Variants in ANK3 observed in about 807,000 individuals in gnomAD.
ANK3 encodes ankyrin 3, also known as ankyrin-3.
A neutral mutation model predicts 370.9 loss-of-function variants in ANK3; 57 were observed. The observed-to-expected ratio is 0.15, with a 90% CI of 0.12 to 0.19. The LOEUF is 0.19. Ranked by LOEUF, ANK3 falls within the 10% of genes least tolerant of loss-of-function variation. The pLI is 1.00. For synonymous variants in ANK3, 1,929 were observed against 1,946.3 expected, an observed-to-expected ratio of 0.99 and a Z score of 0.23; for missense variants, 4,439 against 5,302.1, an observed-to-expected ratio of 0.84 and a Z score of 5.06.
intron 1 of ANK3, among the ~76,000 whole-genome samples, chr10:60,321,084 AATG>A (rs2048528955): frequency 6.6e-6 from 1 of 152,116 alleles, no homozygotes; most frequent in African/African-American, 2.4e-5. Flanking sequence ...CAAACATAAT[AATG>A]ATGTTATATA....
At chr10:60,451,026 A>G (rs1313456275) in intron 2 of ANK3, among the ~76,000 whole-genome samples, 1 of 152,200 alleles carries the variant, frequency 6.6e-6, no homozygotes, top group African/African-American at 2.4e-5. Context: ...CCTGAATCCA[A>G]TGACATGTGT....
At position 60,072,115 on chromosome 10, in the gene ANK3, T is replaced by A; in HGVS notation, c.8766A>T (p.Lys2922Asn). The A allele has an allele frequency of 6.2e-7, 1 of 1,613,914 alleles. No individual in the cohort carries two copies. Among genetic ancestry groups the A allele is most frequent in the Non-Finnish European group, 8.5e-7 (1 of 1,179,992 alleles). The change falls in exon 37 of 44, where the codon AAA becomes AAT. Residue 2922 changes from lysine (K) to asparagine (N), a missense_variant. By Grantham distance (94) the Lys-to-Asn change is moderately conservative. This residue lies in a region of ANK3 where 1,601 missense variants were observed against 1,731.7 expected (regional missense o/e 0.92). Coordinates refer to ENST00000280772, the MANE Select transcript of ANK3 (RefSeq NM_020987.5). ...SLSEIKEMTV[K>N]SPSKKVLYRE... The stretch of plus-strand genomic sequence containing the variant: ...TATATAAGACTTTTTTGGAGGGAGA[T>A]TTTACAGTCATTTCTTTAATTTCTG...
chr10:60,401,895 A>C (rs1308018131), intron 2 of ANK3, among the ~76,000 whole-genome samples: 1 of 152,202 alleles, frequency 6.6e-6, no homozygotes, highest in East Asian at 1.9e-4. Context: ...GGTGAAATCA[A>C]CCTGACTTAA....
intron 7 of ANK3, among the ~76,000 whole-genome samples, chr10:60,240,052 TATACAC>T (rs1385770637): frequency 4.3e-5 from 3 of 70,204 alleles, no homozygotes; most frequent in East Asian, 6.6e-4. Flanking sequence ...TATATACATA[TATACAC>T]ATATATACAT....
Position 60,074,295 on chromosome 10 carries a change from G to T in ANK3, c.6586C>A (p.Pro2196Thr), listed in dbSNP as rs771095356. The change falls in exon 37 of 44, where the codon CCT (proline) becomes ACT (threonine). Residue 2196 changes from proline (P) to threonine (T), a missense_variant. Pro to Thr is a conservative substitution (Grantham distance 38). Coordinates refer to ENST00000280772, the MANE Select transcript of ANK3 (RefSeq NM_020987.5). ...TCCAATTCCATAAAAGTAGGTGAAG[G>T]TTTAGGTGACACAGGCTCCTCTGGT... ...TQPEEPVSPKPSPTFMELEPK... is the reference protein window; with the variant it reads ...TQPEEPVSPKTSPTFMELEPK... The T allele has an allele frequency of 3.7e-6, 6 of 1,614,090 alleles. No individual in the cohort carries two copies. Among genetic ancestry groups the T allele is most frequent in the Non-Finnish European group, 5.1e-6 (6 of 1,180,006 alleles).
At chr10:60,061,003 G>C (rs571191406) in intron 40 of ANK3, among the ~76,000 whole-genome samples, 1 of 152,330 alleles carries the variant, frequency 6.6e-6, no homozygotes, top group East Asian at 1.9e-4. Context: ...TCTGGTCATG[G>C]TGAGGAAAGG....
rs1228521868 is a variant in ANK3 at position 60,060,295 on chromosome 10, T to A, written c.12596-865A>T. 4 of 206,342 alleles carry A rather than the reference T, an allele frequency of 1.9e-5. No homozygotes were observed. In the Admixed American group the frequency reaches 2.2e-4, roughly 11 times the overall value. The allele number at this position is 206,342 out of a possible 1,614,324, so 12.8% of individuals were successfully genotyped here. ...TAATCCAAAGTATGCAGACTAAATA[T>A]ATAAAGTTTATATATTTAAGTTTAT... On this transcript the variant is annotated intron_variant, in intron 40 of 43. Transcript: ENST00000280772.
intron 1 of ANK3, among the ~76,000 whole-genome samples, chr10:60,679,258 T>C (rs749972084): frequency 6.6e-6 from 1 of 152,138 alleles, no homozygotes; most frequent in African/African-American, 2.4e-5. Flanking sequence ...TTACAGTACG[T>C]AGTTAAGCGG....
At chr10:60,544,716 C>CA (rs1332669648) in intron 2 of ANK3, among the ~76,000 whole-genome samples, 1 of 152,060 alleles carries the variant, frequency 6.6e-6, no homozygotes, top group Admixed American at 6.6e-5. Flanking sequence ...CATATTCTCT[C>CA]ATTTATAAGG....
rs770859189 is a variant in ANK3, at chr10:60,196,638, A to AAAC, written c.1690-16_1690-14dup. Reference sequence around the variant, plus strand: ...GAGTAAATCCTTTCTGAAAAAAAAAAAACATAAAAATAATGAACAATAGAA... The same window carrying AAAC: ...GAGTAAATCCTTTCTGAAAAAAAAAAAACAACATAAAAATAATGAACAATAGAA... On this transcript the variant is annotated splice_polypyrimidine_tract_variant and intron_variant, in intron 14 of 43. Coordinates refer to ENST00000280772, the MANE Select transcript of ANK3 (RefSeq NM_020987.5). The AAAC allele has an allele frequency of 1.3e-6, 2 of 1,536,492 alleles. No individual in the cohort carries two copies. Among genetic ancestry groups the AAAC allele is most frequent in the Admixed American group, 1.8e-5 (1 of 56,466 alleles).
chr10:60,072,321 T>C lies in ANK3; in HGVS notation c.8560A>G (p.Thr2854Ala). The change falls in exon 37 of 44, where the codon ACA (threonine) becomes GCA (alanine). Residue 2854 changes from threonine (T) to alanine (A), a missense_variant. By Grantham distance (58) the Thr-to-Ala change is moderately conservative. Coordinates refer to ENST00000280772, the MANE Select transcript of ANK3 (RefSeq NM_020987.5). ...RGPWDKKVFR[T>A]WESSGATNNK... ...TTAGTGGCTCCCGAACTCTCCCATG[T>C]TCTAAAGACCTTTTTGTCCCATGGT... The C allele has an allele frequency of 1.2e-6, 2 of 1,614,096 alleles. No homozygotes were observed. Among genetic ancestry groups the C allele is most frequent in the South Asian group, 2.2e-5 (2 of 91,056 alleles).
At position 60,290,688 on chromosome 10, in the gene ANK3, CAT is replaced by C. The variant is rs35041857; in HGVS notation, c.115-11051_115-11050del. On this transcript the variant is annotated intron_variant, in intron 1 of 43. Coordinates refer to ENST00000280772, the MANE Select transcript of ANK3 (RefSeq NM_020987.5). ...AAAATGAGGTCACTGACCCCTAACACATGTTAGGCATGGTTAGCATCTTTACA... is the reference window on the plus strand; with the variant it reads ...AAAATGAGGTCACTGACCCCTAACACGTTAGGCATGGTTAGCATCTTTACA... Among the ~76,000 whole-genome samples, 303 of 152,314 alleles carry C rather than the reference CAT, an allele frequency of 2.0e-3. 4 individuals carry two copies. Among genetic ancestry groups the C allele is most frequent in the East Asian group, 0.016 (82 of 5,180 alleles).
chr10:60,054,229 TTC>T (rs1385769468), intron 42 of ANK3, among the ~76,000 whole-genome samples: 4 of 152,322 alleles, frequency 2.6e-5, no homozygotes, highest in Admixed American at 2.0e-4. Context: ...ATGTTATTGC[TTC>T]TCTCTATATT....
At chr10:60,138,796 A>G in intron 24 of ANK3, 168 bp downstream of exon 24, 1 of 840,276 alleles carries the variant, frequency 1.2e-6, no homozygotes, top group East Asian at 2.7e-5. Context: ...CGCAAACCAC[A>G]AAAGAAAATA....
At chr10:60,663,900 A>G (rs1308566560) in intron 1 of ANK3, among the ~76,000 whole-genome samples, 6 of 152,080 alleles carry the variant, frequency 3.9e-5, no homozygotes, top group African/African-American at 1.5e-4. Context: ...GCAGATCCTA[A>G]TATTTTTAAG....
chr10:60,491,885 C>T (rs1344938487), intron 2 of ANK3, among the ~76,000 whole-genome samples: 1 of 152,134 alleles, frequency 6.6e-6, no homozygotes, highest in African/African-American at 2.4e-5. Flanking sequence ...GCCTACCTCA[C>T]AGTATTTTTG....
At chr10:60,128,306 TGA>T (rs2093877772) in intron 25 of ANK3, among the ~76,000 whole-genome samples, 1 of 152,090 alleles carries the variant, frequency 6.6e-6, no homozygotes, top group Non-Finnish European at 1.5e-5. Context: ...AGATGGCCAG[TGA>T]CTCTGCCACT....
intron 2 of ANK3, among the ~76,000 whole-genome samples, chr10:60,502,293 C>T (rs2075820986): frequency 6.6e-6 from 1 of 152,126 alleles, no homozygotes; most frequent in Non-Finnish European, 1.5e-5. Flanking sequence ...ATCACACTAA[C>T]AAACAGATGC....
At chr10:60,652,320 T>C (rs2078799906) in intron 1 of ANK3, among the ~76,000 whole-genome samples, 1 of 152,160 alleles carries the variant, frequency 6.6e-6, no homozygotes, top group South Asian at 2.1e-4. Flanking sequence ...GACGATCACT[T>C]AAGCCCAGGA....
Sources: gnomAD v4.1 joint callset for allele counts (sites outside exome capture counted in the v4.1 genomes callset) on GRCh38, gnomAD v4.1.1 for gene constraint, gnomAD v4.1.1 regional missense constraint, MANE v1.5 for transcripts, NCBI Gene and HGNC (gene_info 2026-07-23, HGNC 2026-07-21) for gene names.